Variants in PDE1C observed in about 807,000 individuals in gnomAD.
PDE1C encodes the protein phosphodiesterase 1C.
In PDE1C, 62 loss-of-function variants were observed where a neutral mutation model predicts 93.1. The observed-to-expected ratio is 0.67, with a 90% confidence interval of 0.54 to 0.82. The LOEUF (loss-of-function observed/expected upper bound fraction) is 0.82. Ranked by LOEUF, PDE1C falls within the 40% of genes least tolerant of loss-of-function variation. The pLI is 0.00. For missense variants in PDE1C, 742 were observed against 884.6 expected, an observed-to-expected ratio of 0.84 and a Z score of 2.04; for synonymous variants, 325 against 310.1, an observed-to-expected ratio of 1.05 and a Z score of -0.50.
At chr7:32,260,940 A>G (rs923527151) in intron 1 of PDE1C, among the ~76,000 whole-genome samples, 1 of 152,124 alleles carries the variant, frequency 6.6e-6, no homozygotes, top group African/African-American at 2.4e-5. Flanking sequence ...GTGAAACCTC[A>G]TCTCTACAAA....
chr7:32,098,759 A>G (rs1563311575), intron 3 of PDE1C, among the ~76,000 whole-genome samples: 1 of 152,220 alleles, frequency 6.6e-6, no homozygotes, highest in East Asian at 1.9e-4. Flanking sequence ...GCCTTCAAGT[A>G]ATTTCCTCTG....
At chr7:31,627,631 G>C in the PDE1C span, among the ~76,000 whole-genome samples, 2 of 124,430 alleles carry the variant, frequency 1.6e-5, no homozygotes, top group African/African-American at 6.2e-5. Flanking sequence ...CTGCAATCCA[G>C]CCTGAGCAAC....
the PDE1C span, chr7:31,653,097 A>G: frequency 2.9e-6 from 2 of 688,964 alleles, no homozygotes; most frequent in Non-Finnish European, 4.2e-6. Context: ...TAGAACTTAC[A>G]GTGTAGTGGG....
At chr7:32,148,002 A>AAAAAAAAAAAAAAAAAAAAAAAAAAAC (rs1801010072) in intron 3 of PDE1C, among the ~76,000 whole-genome samples, 1 of 149,528 alleles carries the variant, frequency 6.7e-6, no homozygotes, top group Non-Finnish European at 1.5e-5. Flanking sequence ...AAAAAAAAAA[A>AAAAAAAAAAAAAAAAAAAAAAAAAAAC]AAAGCCTAAC....
chr7:31,851,473 AAACTACTGCTGTGTTTCAAGCTTCCTT>A, intron 7 of PDE1C, among the ~76,000 whole-genome samples: 1 of 152,186 alleles, frequency 6.6e-6, no homozygotes, highest in Non-Finnish European at 1.5e-5. Flanking sequence ...TAGAGTTTGA[AAACTACTGCTGTGTTTCAAGCTTCCTT>A]AACTGACTTC....
chr7:31,826,494 C>T (rs1789682674), intron 12 of PDE1C, among the ~76,000 whole-genome samples: 1 of 152,030 alleles, frequency 6.6e-6, no homozygotes, highest in Non-Finnish European at 1.5e-5. Flanking sequence ...ACCATTTTTG[C>T]CTTTTTTTTC....
At chr7:32,421,415 TA>T in intron 1 of PDE1C, among the ~76,000 whole-genome samples, 1 of 152,372 alleles carries the variant, frequency 6.6e-6, no homozygotes, top group Non-Finnish European at 1.5e-5. Flanking sequence ...GATGATCCGT[TA>T]ATGTGTGTGT....
chr7:32,370,188 G>A (rs549699072), intron 1 of PDE1C, among the ~76,000 whole-genome samples: 2 of 152,280 alleles, frequency 1.3e-5, no homozygotes, highest in Non-Finnish European at 2.9e-5. Context: ...AGTGGCTCAC[G>A]CCTGTAATCC....
intron 2 of PDE1C, among the ~76,000 whole-genome samples, chr7:31,909,659 T>A (rs932219789): frequency 1.6e-4 from 24 of 152,216 alleles, no homozygotes; most frequent in African/African-American, 5.3e-4. Context: ...TTTGCCTTTC[T>A]TGGTAGTTCA....
At chr7:32,304,926 G>A (rs73089944) in intron 1 of PDE1C, among the ~76,000 whole-genome samples, 3,533 of 152,076 alleles carry the variant, frequency 0.023, 119 homozygotes, top group South Asian at 0.18. Flanking sequence ...TCCCTTTTGC[G>A]CTTCTGTTTT....
chr7:31,723,789 CT>C, the PDE1C span, among the ~76,000 whole-genome samples: 1 of 152,144 alleles, frequency 6.6e-6, no homozygotes, highest in African/African-American at 2.4e-5. Context: ...AATTAAGACA[CT>C]TTTCTTTAGT....
chr7:32,341,454 C>T (rs945646361), intron 1 of PDE1C, among the ~76,000 whole-genome samples: 4 of 151,882 alleles, frequency 2.6e-5, no homozygotes, highest in Non-Finnish European at 4.4e-5. Context: ...GGATTACAGG[C>T]GTGAGCCACC....
At chr7:32,083,546 T>C (rs1796856115) in intron 3 of PDE1C, among the ~76,000 whole-genome samples, 3 of 152,116 alleles carry the variant, frequency 2.0e-5, no homozygotes, top group Non-Finnish European at 2.9e-5. Context: ...AGACACATAA[T>C]TGTCAGATTC....
At chr7:31,770,833 A>AT (rs1554326510) in intron 17 of PDE1C, among the ~76,000 whole-genome samples, 5 of 152,074 alleles carry the variant, frequency 3.3e-5, no homozygotes, top group Non-Finnish European at 4.4e-5. Context: ...ATGATCTTTC[A>AT]TTTTTTTGAT....
intron 2 of PDE1C, among the ~76,000 whole-genome samples, chr7:32,172,633 A>G (rs764529964): frequency 7.2e-4 from 109 of 151,464 alleles, no homozygotes; most frequent in Non-Finnish European, 2.5e-4. Context: ...GACCAGCCTG[A>G]CCAACATGGA....
At chr7:32,051,306 T>C (rs30584) in intron 2 of PDE1C, among the ~76,000 whole-genome samples, 135,032 of 152,208 alleles carry the variant, frequency 0.89, 60,005 homozygotes, top group African/African-American at 0.93. Flanking sequence ...CTAGACAGCA[T>C]GGCAGTAACA....
chr7:31,621,073 A>G, the PDE1C span, among the ~76,000 whole-genome samples: 1 of 151,876 alleles, frequency 6.6e-6, no homozygotes, highest in East Asian at 1.9e-4. Context: ...AATAAAAAGA[A>G]ATGAGCAAAG....
At chr7:32,367,438 G>A (rs2128086759) in intron 1 of PDE1C, among the ~76,000 whole-genome samples, 1 of 152,288 alleles carries the variant, frequency 6.6e-6, no homozygotes, top group East Asian at 1.9e-4. Flanking sequence ...GTAAACAGAT[G>A]AAATTCACCT....
intron 1 of PDE1C, among the ~76,000 whole-genome samples, chr7:32,262,532 A>C (rs6948126): frequency 0.99 from 150,311 of 152,288 alleles, 74,218 homozygotes; most frequent in Middle Eastern, 1. Context: ...AGCATGGGAG[A>C]ACATCTGGCA....
Sources: allele counts gnomAD v4.1 joint callset (sites outside exome capture counted in the v4.1 genomes callset), GRCh38; gene constraint gnomAD v4.1.1; transcripts MANE v1.5; gene names NCBI Gene and HGNC (gene_info 2026-07-23, HGNC 2026-07-21).